Variants in CFDP1 observed in about 807,000 individuals in gnomAD.
The protein encoded by CFDP1 is heterochromatin-stabilizing protein CFDP1.
In CFDP1, 31 loss-of-function variants were observed where a neutral mutation model predicts 40.1. The observed-to-expected ratio is 0.77, with a 90% CI of 0.58 to 1.04. The LOEUF (loss-of-function observed/expected upper bound fraction) is 1.04, where lower values mean the gene tolerates loss of function less well. Among genes scored for constraint, CFDP1 ranks in the 50% least tolerant of loss-of-function variants. CFDP1 has a pLI of 0.00. For missense variants in CFDP1, 423 were observed against 343.4 expected (o/e 1.23, Z -1.83); for synonymous variants, 167 against 120.0 (o/e 1.39, Z -2.56).
chr16:75,423,219 G>C (rs1338619509), intron 1 of CFDP1, among the ~76,000 whole-genome samples: 1 of 150,050 alleles, frequency 6.7e-6, no homozygotes, highest in African/African-American at 2.5e-5. Context: ...AGGCAGGGCT[G>C]GCAGTGAACC....
chr16:75,400,980 C>A lies in CFDP1; in HGVS notation c.531-5771G>T, dbSNP rs11149825. On this transcript the variant is annotated intron_variant, in intron 4 of 6. Coordinates refer to ENST00000283882, the MANE Select transcript of CFDP1 (RefSeq NM_006324.3). Reference sequence around the variant, plus strand: ...GATAGGCTTCCATAAAAAAGAGCCACAGAACACTGGATGCAGCTAATTTAA... The same window carrying A: ...GATAGGCTTCCATAAAAAAGAGCCAAAGAACACTGGATGCAGCTAATTTAA... Among the ~76,000 whole-genome samples the A allele has an allele frequency of 2.1e-4, 32 of 152,074 alleles. No individual in the cohort carries two copies. In the South Asian group the frequency reaches 5.6e-3, roughly 27 times the overall value.
intron 1 of CFDP1, among the ~76,000 whole-genome samples, chr16:75,428,701 A>T (rs2079371534): frequency 6.6e-6 from 1 of 151,786 alleles, no homozygotes; most frequent in African/African-American, 2.4e-5. Context: ...GAAAAGAAAG[A>T]GTGAGAGAGG....
chr16:75,408,976 GC>G (rs1482572656), intron 4 of CFDP1, among the ~76,000 whole-genome samples: 2 of 151,678 alleles, frequency 1.3e-5, no homozygotes, highest in Non-Finnish European at 2.9e-5. Flanking sequence ...TCCTGCTTCA[GC>G]CTCCCAAGTA....
chr16:75,343,274 C>T (rs537531818), intron 5 of CFDP1, among the ~76,000 whole-genome samples: 9 of 152,202 alleles, frequency 5.9e-5, no homozygotes, highest in African/African-American at 2.2e-4. Context: ...GAACAAAATG[C>T]TGCTGGCACT....
chr16:75,346,720 CAAA>C (rs10538921), intron 5 of CFDP1, among the ~76,000 whole-genome samples: 23 of 129,972 alleles, frequency 1.8e-4, no homozygotes, highest in Admixed American at 2.3e-4. Context: ...ATCTTCCACT[CAAA>C]AAAAAAAAAA....
At chr16:75,362,608 T>G (rs2078687201) in intron 5 of CFDP1, among the ~76,000 whole-genome samples, 2 of 152,296 alleles carry the variant, frequency 1.3e-5, no homozygotes, top group Non-Finnish European at 2.9e-5. Context: ...CAACACAAGC[T>G]GTAAGTTAAG....
chr16:75,414,225 GA>G (rs2079185726), intron 2 of CFDP1, among the ~76,000 whole-genome samples: 1 of 151,826 alleles, frequency 6.6e-6, no homozygotes. Context: ...AAAAAATGAA[GA>G]AAATATAGAC....
At chr16:75,307,285 G>C (rs181404835) in intron 5 of CFDP1, among the ~76,000 whole-genome samples, 126 of 151,844 alleles carry the variant, frequency 8.3e-4, no homozygotes, top group Non-Finnish European at 1.2e-3. Context: ...GCGTGATCTC[G>C]GCTCACTGCA....
In CFDP1 at chr16:75,293,739, C is replaced by T; in HGVS notation, c.*213G>A. 1.8e-6 allele frequency: 1 copy of T among 542,984 alleles called. No homozygotes were observed. The highest frequency in any genetic ancestry group is 2.2e-5 in the South Asian group (1 of 45,900). 33.6% of individuals were successfully genotyped at this position (542,984 alleles called of 1,614,324 possible). Reference sequence around the variant, plus strand: ...CTTCATTATCCTCTCACAGGACCAACTTTTATTTTATTTATTCATTTAAGG... The same window carrying T: ...CTTCATTATCCTCTCACAGGACCAATTTTTATTTTATTTATTCATTTAAGG... On this transcript the variant is annotated 3_prime_UTR_variant, in exon 7 of 7. Coordinates refer to ENST00000283882, the MANE Select transcript of CFDP1 (RefSeq NM_006324.3).
chr16:75,427,051 A>C (rs1442596091), intron 1 of CFDP1, among the ~76,000 whole-genome samples: 2 of 12,268 alleles, frequency 1.6e-4, no homozygotes, highest in Non-Finnish European at 4.7e-4. Flanking sequence ...AGACTGTCTC[A>C]AAAAAAAAAA....
At chr16:75,331,757 G>C (rs1197236139) in intron 5 of CFDP1, among the ~76,000 whole-genome samples, 4 of 152,054 alleles carry the variant, frequency 2.6e-5, no homozygotes, top group Admixed American at 2.6e-4. Flanking sequence ...ATGGACACCT[G>C]GTTGTTTCCA....
chr16:75,393,286 C>T (rs1390658773), intron 5 of CFDP1, among the ~76,000 whole-genome samples: 2 of 152,110 alleles, frequency 1.3e-5, no homozygotes, highest in East Asian at 1.9e-4. Context: ...CTCTCTTGTA[C>T]CTCTCTATTG....
At chr16:75,357,153 T>C (rs1426036552) in intron 5 of CFDP1, among the ~76,000 whole-genome samples, 2 of 152,122 alleles carry the variant, frequency 1.3e-5, no homozygotes, top group Non-Finnish European at 2.9e-5. Flanking sequence ...CCTCATGTGA[T>C]CCACCCGCCT....
intron 5 of CFDP1, among the ~76,000 whole-genome samples, chr16:75,346,113 A>T (rs1014096437): frequency 6.6e-6 from 1 of 152,254 alleles, no homozygotes; most frequent in Admixed American, 6.5e-5. Context: ...ACTGTGCTTA[A>T]ATTCTGCTGA....
intron 4 of CFDP1, among the ~76,000 whole-genome samples, chr16:75,408,855 A>T (rs1007661140): frequency 6.6e-6 from 1 of 151,754 alleles, no homozygotes; most frequent in African/African-American, 2.4e-5. Context: ...TATTTTACTC[A>T]GCTTTTTGTT....
intron 4 of CFDP1, 56 bp from the exon 5 acceptor site, chr16:75,395,265 G>T: frequency 6.3e-7 from 1 of 1,578,850 alleles, no homozygotes; most frequent in Non-Finnish European, 8.6e-7. Context: ...AAAGAAACAA[G>T]CTAGAAAAGG....
chr16:75,361,986 C>A (rs961291694), intron 5 of CFDP1, among the ~76,000 whole-genome samples: 1 of 152,152 alleles, frequency 6.6e-6, no homozygotes, highest in Non-Finnish European at 1.5e-5. Context: ...AATTCCCATA[C>A]CTACAGGAAG....
At chr16:75,393,007 C>T (rs1382060614) in intron 5 of CFDP1, among the ~76,000 whole-genome samples, 1 of 152,246 alleles carries the variant, frequency 6.6e-6, no homozygotes, top group Non-Finnish European at 1.5e-5. Flanking sequence ...GAAGTAGCCC[C>T]ATCCACATGT....
intron 5 of CFDP1, among the ~76,000 whole-genome samples, chr16:75,315,527 T>G (rs1440370712): frequency 6.6e-6 from 1 of 152,068 alleles, no homozygotes; most frequent in East Asian, 1.9e-4. Flanking sequence ...CAGTATGGTC[T>G]GGTGAGGAAT....
Sources: gnomAD v4.1 joint callset for allele counts (sites outside exome capture counted in the v4.1 genomes callset) on GRCh38, gnomAD v4.1.1 for gene constraint, MANE v1.5 for transcripts, NCBI Gene and HGNC (gene_info 2026-07-23, HGNC 2026-07-21) for gene names.